Variants in PRICKLE1 observed in about 807,000 individuals in gnomAD.
PRICKLE1 encodes prickle-like protein 1.
PRICKLE1 carries 14 observed loss-of-function variants against 70.2 expected under a neutral mutation model. The observed-to-expected ratio is 0.20, with a 90% CI of 0.13 to 0.31. PRICKLE1 has a LOEUF of 0.31. Among genes scored for constraint, PRICKLE1 ranks in the 10% least tolerant of loss-of-function variants. The pLI, the probability that PRICKLE1 is intolerant of heterozygous loss-of-function variation, is 1.00. For synonymous variants in PRICKLE1, 357 were observed against 379.9 expected (o/e 0.94, Z 0.70); for missense variants, 821 against 1,026.2 (o/e 0.80, Z 2.73).
intron 1 of PRICKLE1, among the ~76,000 whole-genome samples, chr12:42,563,817 T>C (rs1357862500): frequency 6.6e-6 from 1 of 150,624 alleles, no homozygotes; most frequent in Non-Finnish European, 1.5e-5. Context: ...AGGGAGAGTA[T>C]ACGATTTGTC....
chr12:42,542,023 G>T (rs553200578), intron 1 of PRICKLE1, among the ~76,000 whole-genome samples: 7 of 152,268 alleles, frequency 4.6e-5, no homozygotes, highest in African/African-American at 1.7e-4. Flanking sequence ...AGTCCTCAGG[G>T]GGCTAGTATA....
chr12:42,475,742 C>T (rs1386472568), intron 1 of PRICKLE1, among the ~76,000 whole-genome samples: 1 of 152,038 alleles, frequency 6.6e-6, no homozygotes, highest in Non-Finnish European at 1.5e-5. Context: ...TCAGAGAATA[C>T]TTAAAATGAC....
At chr12:42,501,180 C>A (rs1939299152) in intron 1 of PRICKLE1, among the ~76,000 whole-genome samples, 1 of 150,576 alleles carries the variant, frequency 6.6e-6, no homozygotes, top group African/African-American at 2.4e-5. Flanking sequence ...TAGACAATCT[C>A]TGTAAATGGA....
At chr12:42,510,039 C>T (rs927420809) in intron 1 of PRICKLE1, among the ~76,000 whole-genome samples, 7 of 151,112 alleles carry the variant, frequency 4.6e-5, no homozygotes, top group Non-Finnish European at 8.8e-5. Flanking sequence ...TGCCACTGCA[C>T]TCCAGCCTGG....
At chr12:42,476,347 T>TA (rs1211557730) in intron 1 of PRICKLE1, among the ~76,000 whole-genome samples, 1 of 152,018 alleles carries the variant, frequency 6.6e-6, no homozygotes, top group Non-Finnish European at 1.5e-5. Context: ...CACACCCAGC[T>TA]AATTTCATAT....
intron 7 of PRICKLE1, among the ~76,000 whole-genome samples, chr12:42,461,837 C>T (rs751373217): frequency 4.6e-5 from 7 of 152,278 alleles, no homozygotes; most frequent in Admixed American, 6.5e-5. Context: ...CTCGCTCTGT[C>T]GCCCAGGCTG....
At position 42,494,437 on chromosome 12, in the gene PRICKLE1, A is replaced by T. The variant is rs371122376; in HGVS notation, c.-48-21873T>A. 7.9e-5 allele frequency among the ~76,000 whole-genome samples: 12 copies of T among 152,332 alleles called. No homozygotes were observed. In the East Asian group the frequency reaches 1.9e-3, roughly 24 times the overall value. ...GTAATATTCTAAATCCTCTGTGGTC[A>T]TTTCAACAATGTTCACAGCATCTTC... is the stretch of plus-strand genomic sequence containing the variant. On this transcript the variant is annotated intron_variant, in intron 1 of 7. Transcript: ENST00000345127.
At chr12:42,539,673 T>C (rs1940076073) in intron 1 of PRICKLE1, among the ~76,000 whole-genome samples, 1 of 152,216 alleles carries the variant, frequency 6.6e-6, no homozygotes, top group South Asian at 2.1e-4. Context: ...TAATCAGTTA[T>C]TAATTAAAAG....
At chr12:42,463,103 C>T (rs910502547) in intron 7 of PRICKLE1, among the ~76,000 whole-genome samples, 32 of 151,992 alleles carry the variant, frequency 2.1e-4, no homozygotes, top group African/African-American at 7.7e-4. Context: ...GGTGGATCAC[C>T]TGAGGTCAGG....
chr12:42,542,582 C>T lies in PRICKLE1; in HGVS notation c.-49+46883G>A, dbSNP rs887189808. Among the ~76,000 whole-genome samples the T allele has an allele frequency of 4.6e-5, 7 of 152,114 alleles. No individual in the cohort carries two copies. The South Asian group carries it at 6.2e-4, about 14-fold the overall frequency. On this transcript the variant is annotated intron_variant, in intron 1 of 7. Transcript: ENST00000345127. ...AGAAGAATCGTTTGAACCCAGGAGG[C>T]GGAGGTTGCAGTGAGCCGAGATCAT...
At chr12:42,472,329 A>G in intron 2 of PRICKLE1, 56 bp downstream of exon 2, 1 of 1,597,240 alleles carries the variant, frequency 6.3e-7, no homozygotes, top group Non-Finnish European at 8.6e-7. Flanking sequence ...TAATGTTCTA[A>G]AGTCTGAACT....
intron 1 of PRICKLE1, among the ~76,000 whole-genome samples, chr12:42,556,851 G>C (rs1034234505): frequency 2.6e-5 from 4 of 152,110 alleles, no homozygotes; most frequent in African/African-American, 9.7e-5. Flanking sequence ...TTTATGCTTT[G>C]CTCAACAATT....
At position 42,564,269 on chromosome 12, in the gene PRICKLE1, A is replaced by AAAAAAAAAAAG. The variant is rs71084673; in HGVS notation, c.-49+25195_-49+25196insCTTTTTTTTTT. Reference sequence around the variant, plus strand: ...GACTCTGTCTAAAAAAAAAAAAAAAAAAAGAAAAGAAAAAAGAAAAAGGTC... The same window carrying AAAAAAAAAAAG: ...GACTCTGTCTAAAAAAAAAAAAAAAAAAAAAAAAAAGAAAGAAAAGAAAAAAGAAAAAGGTC... On this transcript the variant is annotated intron_variant, in intron 1 of 7. Coordinates refer to ENST00000345127, the MANE Select transcript of PRICKLE1 (RefSeq NM_153026.3). Among the ~76,000 whole-genome samples, 2 of 125,012 alleles carry AAAAAAAAAAAG rather than the reference A, an allele frequency of 1.6e-5. 1 individual carries two copies. The highest frequency in any genetic ancestry group is 3.3e-5 in the Non-Finnish European group (2 of 61,538). The allele number at this position is 125,012 out of a possible 152,430, so 82.0% of individuals were successfully genotyped here.
rs11181535 is a variant in PRICKLE1, at chr12:42,523,515, C to T, written c.-48-50951G>A. Among the ~76,000 whole-genome samples, 181 of 152,328 alleles carry T rather than the reference C, an allele frequency of 1.2e-3. 1 individual carries two copies. The highest frequency in any genetic ancestry group is 4.1e-3 in the African/African-American group (170 of 41,572). Reference sequence around the variant, plus strand: ...GAATAGACTGATATTAACTACTTCTCTTGAGTCTTCAAACGACCAAGAAAG... The same window carrying T: ...GAATAGACTGATATTAACTACTTCTTTTGAGTCTTCAAACGACCAAGAAAG... On this transcript the variant is annotated intron_variant, in intron 1 of 7. Coordinates refer to ENST00000345127, the MANE Select transcript of PRICKLE1 (RefSeq NM_153026.3).
rs558204631 is a variant in PRICKLE1 at position 42,504,822 on chromosome 12, T to C, written c.-48-32258A>G. On this transcript the variant is annotated intron_variant, in intron 1 of 7. Coordinates refer to ENST00000345127, the MANE Select transcript of PRICKLE1 (RefSeq NM_153026.3). ...CTCTCGTTGCAGACAGACAGGACTT[T>C]ATGGCTCATTGTTCTGTAAGGTTAA... Among the ~76,000 whole-genome samples, 9 of 152,298 alleles carry C rather than the reference T, an allele frequency of 5.9e-5. No individual in the cohort carries two copies. In the East Asian group the frequency reaches 1.5e-3, roughly 26 times the overall value.
intron 1 of PRICKLE1, among the ~76,000 whole-genome samples, chr12:42,481,068 C>A (rs1031728979): frequency 5.3e-5 from 8 of 152,066 alleles, no homozygotes; most frequent in Admixed American, 5.2e-4. Flanking sequence ...GAAATTGGGC[C>A]AAAGACAGTT....
At chr12:42,508,652 T>C (rs1939461008) in intron 1 of PRICKLE1, among the ~76,000 whole-genome samples, 1 of 152,130 alleles carries the variant, frequency 6.6e-6, no homozygotes, top group Admixed American at 6.6e-5. Flanking sequence ...GTTGAACACA[T>C]AGAAAGTATT....
intron 1 of PRICKLE1, among the ~76,000 whole-genome samples, chr12:42,481,778 T>C (rs1173387530): frequency 1.3e-5 from 2 of 152,232 alleles, no homozygotes; most frequent in Non-Finnish European, 2.9e-5. Flanking sequence ...CACATTTCCT[T>C]GTTTAGGATG....
intron 1 of PRICKLE1, among the ~76,000 whole-genome samples, chr12:42,496,223 A>G (rs2140176173): frequency 6.6e-6 from 1 of 152,352 alleles, no homozygotes. Flanking sequence ...CTCCTGGGTG[A>G]CCAGGTACCT....
Sources: gnomAD v4.1 joint callset for allele counts (sites outside exome capture counted in the v4.1 genomes callset) on GRCh38, gnomAD v4.1.1 for gene constraint, MANE v1.5 for transcripts, NCBI Gene and HGNC (gene_info 2026-07-23, HGNC 2026-07-21) for gene names.